Variants in NEBL observed in about 807,000 individuals in gnomAD.
The protein encoded by NEBL is nebulette, also known as LIM and SH3 protein 2.
NEBL carries 122 observed loss-of-function variants against 140.2 expected under a neutral mutation model. The ratio of observed to expected loss-of-function variants is 0.87; its 90% CI spans 0.75 to 1.01. NEBL has a LOEUF of 1.01. Ranked by LOEUF, NEBL falls within the 50% of genes least tolerant of loss-of-function variation. The pLI, the probability that NEBL is intolerant of heterozygous loss-of-function variation, is 0.00. For missense variants in NEBL, 1,365 were observed against 1,231.3 expected (o/e 1.11, Z -1.62); for synonymous variants, 436 against 398.9 (o/e 1.09, Z -1.11).
intron 2 of NEBL, among the ~76,000 whole-genome samples, chr10:21,149,525 A>C (rs1407892721): frequency 6.6e-6 from 1 of 152,174 alleles, no homozygotes; most frequent in African/African-American, 2.4e-5. Context: ...TCCAGACCTC[A>C]AGTGATCCGC....
At chr10:21,039,744 A>C (rs1392581084) in intron 2 of NEBL, among the ~76,000 whole-genome samples, 2 of 152,154 alleles carry the variant, frequency 1.3e-5, no homozygotes, top group Non-Finnish European at 2.9e-5. Context: ...TACCTAGACT[A>C]ATTTTGTGTG....
intron 3 of NEBL, among the ~76,000 whole-genome samples, chr10:21,244,555 G>A (rs1423467899): frequency 1.3e-5 from 2 of 151,710 alleles, no homozygotes; most frequent in African/African-American, 4.8e-5. Flanking sequence ...GGAAGGCTGA[G>A]ACAGGAGAAT....
chr10:21,118,743 C>G (rs745468257), intron 2 of NEBL, among the ~76,000 whole-genome samples: 3 of 152,034 alleles, frequency 2.0e-5, no homozygotes, highest in Admixed American at 6.6e-5. Context: ...TACATATGTG[C>G]GAAATGAGTC....
chr10:21,049,252 A>G (rs988840229), intron 2 of NEBL, among the ~76,000 whole-genome samples: 2 of 152,218 alleles, frequency 1.3e-5, no homozygotes, highest in Non-Finnish European at 2.9e-5. Context: ...CCAAGCTGAC[A>G]TATCACATTG....
At chr10:20,936,268 A>T (rs745819057) in intron 4 of NEBL, among the ~76,000 whole-genome samples, 64 of 152,366 alleles carry the variant, frequency 4.2e-4, no homozygotes, top group Middle Eastern at 3.4e-3. Context: ...AAACTTAGAC[A>T]TAATAAAGTG....
chr10:21,206,600 G>T (rs1001439603), intron 3 of NEBL, among the ~76,000 whole-genome samples: 1 of 152,182 alleles, frequency 6.6e-6, no homozygotes, highest in African/African-American at 2.4e-5. Context: ...CTAGACACTG[G>T]GTTGCAGCAG....
intron 1 of NEBL, among the ~76,000 whole-genome samples, chr10:21,264,613 G>A (rs918782593): frequency 6.8e-6 from 1 of 147,936 alleles, no homozygotes; most frequent in Admixed American, 6.9e-5. Flanking sequence ...AGGTGTCCAG[G>A]CACGTTGTTA....
At chr10:21,272,118 A>ATTTTTTTTTTTTT (rs10678454) in intron 1 of NEBL, among the ~76,000 whole-genome samples, 5 of 79,096 alleles carry the variant, frequency 6.3e-5, no homozygotes, top group African/African-American at 2.3e-4. Flanking sequence ...CACTTGGTTA[A>ATTTTTTTTTTTTT]TTTTTTTTTT....
upstream of NEBL, chr10:20,897,382 G>C: frequency 7.1e-7 from 1 of 1,406,638 alleles, no homozygotes; most frequent in Non-Finnish European, 9.2e-7. Context: ...TGAGTGAACA[G>C]AAAAGGATCC....
intron 2 of NEBL, among the ~76,000 whole-genome samples, chr10:21,032,398 G>C (rs1020609730): frequency 2.0e-5 from 3 of 152,138 alleles, no homozygotes; most frequent in Non-Finnish European, 2.9e-5. Context: ...CTGGGATTTT[G>C]GGGTCTAAGA....
chr10:20,817,158 T>C (rs1305030438), intron 21 of NEBL, among the ~76,000 whole-genome samples: 2 of 152,024 alleles, frequency 1.3e-5, no homozygotes, highest in Admixed American at 6.6e-5. Context: ...GGTGGCCGGA[T>C]TGCATGAGCT....
intron 4 of NEBL, among the ~76,000 whole-genome samples, chr10:20,935,401 T>A (rs1402774666): frequency 6.6e-6 from 1 of 152,162 alleles, no homozygotes; most frequent in Non-Finnish European, 1.5e-5. Flanking sequence ...ATTATCAGCA[T>A]CTCTTCATCG....
At chr10:20,933,291 C>T (rs1834293990) in intron 4 of NEBL, among the ~76,000 whole-genome samples, 1 of 152,092 alleles carries the variant, frequency 6.6e-6, no homozygotes, top group Admixed American at 6.5e-5. Flanking sequence ...ATTTTTTAAG[C>T]CATCAGATGC....
At chr10:21,023,696 A>AAAATAAATAAAT (rs374573842) in intron 2 of NEBL, among the ~76,000 whole-genome samples, 8 of 151,630 alleles carry the variant, frequency 5.3e-5, no homozygotes, top group African/African-American at 1.9e-4. Context: ...CTCCATCTCA[A>AAAATAAATAAAT]AAATAAATAA....
intron 2 of NEBL, among the ~76,000 whole-genome samples, chr10:21,092,765 C>A (rs1251339606): frequency 6.6e-6 from 1 of 152,118 alleles, no homozygotes; most frequent in East Asian, 1.9e-4. Flanking sequence ...AACCTGGGAA[C>A]TGTTCCAGGC....
At chr10:21,237,975 CTA>C (rs1161332013) in intron 3 of NEBL, among the ~76,000 whole-genome samples, 3 of 152,212 alleles carry the variant, frequency 2.0e-5, no homozygotes, top group African/African-American at 7.2e-5. Context: ...CCTCAGTGAT[CTA>C]TAAACCTTTG....
intron 2 of NEBL, among the ~76,000 whole-genome samples, chr10:21,134,727 G>T (rs552612164): frequency 6.6e-6 from 1 of 152,238 alleles, no homozygotes; most frequent in Non-Finnish European, 1.5e-5. Flanking sequence ...TAGCAGATGC[G>T]CAATATAATT....
chr10:20,808,450 C>G, intron 26 of NEBL, 60 bp downstream of exon 26: 1 of 1,552,290 alleles, frequency 6.4e-7, no homozygotes, highest in Non-Finnish European at 8.9e-7. Context: ...TTTAAAGACA[C>G]TCTTGTGACA....
chr10:20,855,872 T>A (rs1392313209), intron 9 of NEBL, among the ~76,000 whole-genome samples: 1 of 152,162 alleles, frequency 6.6e-6, no homozygotes, highest in Non-Finnish European at 1.5e-5. Flanking sequence ...AAATGGATAA[T>A]TTTGGCAGAA....
Sources: gnomAD v4.1 joint callset for allele counts (sites outside exome capture counted in the v4.1 genomes callset) on GRCh38, gnomAD v4.1.1 for gene constraint, MANE v1.5 for transcripts, NCBI Gene and HGNC (gene_info 2026-07-23, HGNC 2026-07-21) for gene names.